Variants in TCF7L2 observed in about 807,000 individuals in gnomAD.
TCF7L2 encodes transcription factor 7 like 2.
TCF7L2 carries 23 observed loss-of-function variants against 77.9 expected under a neutral mutation model. That is an observed-to-expected ratio of 0.30 (90% CI 0.21 to 0.42). The LOEUF is 0.42. TCF7L2 is among the 10% of genes least tolerant of loss of function. The pLI, the probability that TCF7L2 is intolerant of heterozygous loss-of-function variation, is 1.00. For synonymous variants in TCF7L2, 413 were observed against 340.2 expected, an observed-to-expected ratio of 1.21 and a Z score of -2.36; for missense variants, 654 against 793.1, an observed-to-expected ratio of 0.82 and a Z score of 2.11.
At chr10:113,156,909 T>C (rs2072029113) in intron 11 of TCF7L2, among the ~76,000 whole-genome samples, 1 of 152,236 alleles carries the variant, frequency 6.6e-6, no homozygotes, top group Non-Finnish European at 1.5e-5. Context: ...GGAATGGTGG[T>C]AATACCTGTT....
chr10:113,131,934 T>C (rs999905204), intron 5 of TCF7L2: 1 of 152,282 alleles, frequency 6.6e-6, no homozygotes, highest in Admixed American at 6.5e-5. Context: ...ACACATCAGC[T>C]GGAGATCAGA....
intron 5 of TCF7L2, among the ~76,000 whole-genome samples, chr10:113,095,277 A>G (rs1265118876): frequency 2.6e-5 from 4 of 152,170 alleles, no homozygotes; most frequent in Non-Finnish European, 5.9e-5. Flanking sequence ...TCGCATGTAT[A>G]GCCCCGGATT....
At chr10:113,019,877 C>T (rs1376903720) in intron 4 of TCF7L2, among the ~76,000 whole-genome samples, 1 of 151,838 alleles carries the variant, frequency 6.6e-6, no homozygotes, top group Non-Finnish European at 1.5e-5. Context: ...CCTTGTTTGA[C>T]AGTTTAAGTG....
intron 4 of TCF7L2, among the ~76,000 whole-genome samples, chr10:113,006,410 C>T (rs1003995230): frequency 1.3e-5 from 2 of 152,330 alleles, no homozygotes; most frequent in Admixed American, 1.3e-4. Flanking sequence ...GCTGGAGGAT[C>T]AGGCAGCAGG....
intron 5 of TCF7L2, among the ~76,000 whole-genome samples, chr10:113,102,031 C>G (rs750866592): frequency 1.0e-4 from 13 of 129,068 alleles, no homozygotes; most frequent in Admixed American, 1.8e-4. Flanking sequence ...CCCAGCTACT[C>G]GGGAGGCAGG....
intron 5 of TCF7L2, among the ~76,000 whole-genome samples, chr10:113,098,317 C>G (rs2061279432): frequency 6.6e-6 from 1 of 152,094 alleles, no homozygotes; most frequent in African/African-American, 2.4e-5. Context: ...AGGTCACTTG[C>G]AGCTGTTTTT....
At chr10:112,990,214 T>C (rs2042278988) in intron 4 of TCF7L2, among the ~76,000 whole-genome samples, 1 of 152,210 alleles carries the variant, frequency 6.6e-6, no homozygotes, top group East Asian at 1.9e-4. Flanking sequence ...CTCCTGCAAG[T>C]TTCCAGGGTA....
At chr10:112,956,651 T>C (rs566850099) in intron 3 of TCF7L2, among the ~76,000 whole-genome samples, 10 of 152,062 alleles carry the variant, frequency 6.6e-5, no homozygotes, top group Non-Finnish European at 1.3e-4. Flanking sequence ...GTGAAGGAAA[T>C]GGTTAATTTT....
At chr10:113,144,414 A>T (rs1234463447) in intron 7 of TCF7L2, among the ~76,000 whole-genome samples, 1 of 152,078 alleles carries the variant, frequency 6.6e-6, no homozygotes, top group Non-Finnish European at 1.5e-5. Flanking sequence ...CAGTCATGTC[A>T]TTGGGTTGAG....
At chr10:113,125,323 AT>A (rs11436064) in intron 5 of TCF7L2, among the ~76,000 whole-genome samples, 1 of 150,600 alleles carries the variant, frequency 6.6e-6, no homozygotes, top group Non-Finnish European at 1.5e-5. Flanking sequence ...TGCCGTCTGC[AT>A]TTTTTTTTAA....
chr10:113,126,482 G>A (rs184269699), intron 5 of TCF7L2, among the ~76,000 whole-genome samples: 47 of 152,164 alleles, frequency 3.1e-4, no homozygotes, highest in African/African-American at 1.1e-3. Flanking sequence ...TTGCTAAGTC[G>A]GCAAACAAAA....
At chr10:113,118,785 A>G (rs2064294505) in intron 5 of TCF7L2, among the ~76,000 whole-genome samples, 1 of 151,718 alleles carries the variant, frequency 6.6e-6, no homozygotes, top group Admixed American at 6.6e-5. Context: ...GCATGTTATC[A>G]TAAAACTCAA....
At chr10:113,088,430 G>A (rs1417313447) in intron 5 of TCF7L2, among the ~76,000 whole-genome samples, 1 of 152,140 alleles carries the variant, frequency 6.6e-6, no homozygotes, top group African/African-American at 2.4e-5. Flanking sequence ...TCATAAGGTA[G>A]GGGTGAGGAT....
At chr10:113,160,425 TTTA>T (rs1029537817) in intron 12 of TCF7L2, among the ~76,000 whole-genome samples, 3 of 152,106 alleles carry the variant, frequency 2.0e-5, no homozygotes, top group African/African-American at 7.2e-5. Context: ...GTGTGTGTGT[TTTA>T]TTGTTTTATT....
At chr10:112,964,412 C>A in intron 3 of TCF7L2, 144 bp from the exon 4 acceptor site, 2 of 678,428 alleles carry the variant, frequency 2.9e-6, no homozygotes, top group South Asian at 1.7e-5. Context: ...TCCATAGCAA[C>A]AAATGAAAGT....
chr10:113,140,000 C>T (rs957002743), intron 5 of TCF7L2, among the ~76,000 whole-genome samples: 22 of 152,116 alleles, frequency 1.4e-4, no homozygotes, highest in Non-Finnish European at 2.8e-4. Flanking sequence ...AATGAAGACA[C>T]GTTCTGAAAT....
chr10:113,161,498 C>T, intron 13 of TCF7L2: 1 of 1,458,412 alleles, frequency 6.9e-7, no homozygotes, highest in South Asian at 1.2e-5. Context: ...TGGAGGGATA[C>T]CGACTAGCTC....
intron 5 of TCF7L2, among the ~76,000 whole-genome samples, chr10:113,056,003 A>G (rs1591086250): frequency 6.6e-6 from 1 of 152,362 alleles, no homozygotes; most frequent in East Asian, 1.9e-4. Flanking sequence ...CTCACTTAGA[A>G]CAAGATACAA....
rs869133669 is a variant in TCF7L2, at chr10:113,097,646, GAAAAAAA to G, written c.553-43516_553-43510del. Among the ~76,000 whole-genome samples the G allele has an allele frequency of 5.9e-3, 217 of 36,738 alleles. 1 individual carries two copies. The highest frequency in any genetic ancestry group is 0.031 in the Middle Eastern group (1 of 32). 24.1% of individuals were successfully genotyped at this position (36,738 alleles called of 152,430 possible). ...GTGACAGAGTAAGACTCTTGTCTCGGAAAAAAAAAAAAAAAAAAAAAAAAAAAACAAC... is the reference window on the plus strand; with the variant it reads ...GTGACAGAGTAAGACTCTTGTCTCGGAAAAAAAAAAAAAAAAAAAAACAAC... On this transcript the variant is annotated intron_variant, in intron 5 of 13. Coordinates refer to ENST00000627217, the MANE Select transcript of TCF7L2 (RefSeq NM_001146274.2).
Sources: gnomAD v4.1 joint callset for allele counts (sites outside exome capture counted in the v4.1 genomes callset) on GRCh38, gnomAD v4.1.1 for gene constraint, MANE v1.5 for transcripts, NCBI Gene and HGNC (gene_info 2026-07-23, HGNC 2026-07-21) for gene names.